The following SLC71A2 variants were observed in gnomAD, a reference collection of about 807,000 sequenced individuals.
The protein encoded by SLC71A2 is solute carrier family 71 member 2.
chr9:94,460,117 G>A, the SLC71A2 span: 2 of 152,202 alleles, frequency 1.3e-5, no homozygotes, highest in Non-Finnish European at 1.5e-5. Context: ...CAGATTCCTG[G>A]ACCTGGTGTC....
the SLC71A2 span, among the ~76,000 whole-genome samples, chr9:94,408,540 T>C: frequency 5.9e-5 from 9 of 152,166 alleles, no homozygotes; most frequent in Admixed American, 2.6e-4. Context: ...TTACTAGTTA[T>C]AGGTCTATTT....
chr9:94,429,538 T>C, the SLC71A2 span, among the ~76,000 whole-genome samples: 1 of 152,012 alleles, frequency 6.6e-6, no homozygotes, highest in South Asian at 2.1e-4. Context: ...TTTTAACTTC[T>C]CTGCCTATCA....
At chr9:94,384,705 T>C in the SLC71A2 span, among the ~76,000 whole-genome samples, 2 of 152,220 alleles carry the variant, frequency 1.3e-5, no homozygotes, top group African/African-American at 2.4e-5. Context: ...AAATTCTTTA[T>C]ACATATATTC....
At chr9:94,395,910 C>T in the SLC71A2 span, among the ~76,000 whole-genome samples, 1 of 151,944 alleles carries the variant, frequency 6.6e-6, no homozygotes, top group African/African-American at 2.4e-5. Flanking sequence ...CCTCAGCCTC[C>T]TGAGTAGCTG....
chr9:94,445,386 CGAAG>C, the SLC71A2 span, among the ~76,000 whole-genome samples: 7 of 151,896 alleles, frequency 4.6e-5, no homozygotes, highest in Admixed American at 3.9e-4. Context: ...ATGTCATAAA[CGAAG>C]AGAGAGAAAA....
the SLC71A2 span, among the ~76,000 whole-genome samples, chr9:94,404,636 G>A: frequency 0.012 from 1,755 of 152,196 alleles, 40 homozygotes; most frequent in African/African-American, 0.039. Context: ...GGCCATTTGT[G>A]TATCTCTTTT....
the SLC71A2 span, among the ~76,000 whole-genome samples, chr9:94,378,126 CAAAA>C: frequency 7.1e-6 from 1 of 141,450 alleles, no homozygotes; most frequent in Admixed American, 7.1e-5. Context: ...ACTCCATTTC[CAAAA>C]AAAAAAAAAG....
At chr9:94,397,524 A>G in the SLC71A2 span, among the ~76,000 whole-genome samples, 7 of 152,182 alleles carry the variant, frequency 4.6e-5, no homozygotes, top group African/African-American at 1.4e-4. Context: ...ACTGCCAAAG[A>G]AAAAACCCCT....
At chr9:94,450,528 C>T in the SLC71A2 span, among the ~76,000 whole-genome samples, 15 of 85,872 alleles carry the variant, frequency 1.7e-4, no homozygotes, top group South Asian at 1.1e-3. Flanking sequence ...CTCACTTTGT[C>T]GCCCAGGCTG....
the SLC71A2 span, chr9:94,460,429 C>CTGTT: frequency 1.3e-5 from 2 of 152,578 alleles, no homozygotes; most frequent in African/African-American, 2.4e-5. Context: ...TTATTTCAAT[C>CTGTT]TGTTTAACTT....
chr9:94,379,089 C>CTTTTTTTTTTTTTTTTTTTT, the SLC71A2 span, among the ~76,000 whole-genome samples: 5 of 84,110 alleles, frequency 5.9e-5, no homozygotes, highest in African/African-American at 1.8e-4. Flanking sequence ...TGTGCATTTC[C>CTTTTTTTTTTTTTTTTTTTT]TTTTTTTTTT....
chr9:94,454,225 G>A, the SLC71A2 span, among the ~76,000 whole-genome samples: 1 of 152,208 alleles, frequency 6.6e-6, no homozygotes, highest in Admixed American at 6.5e-5. Flanking sequence ...TTGGGGAAAT[G>A]TGGAGCTAGA....
At chr9:94,425,816 A>G in the SLC71A2 span, among the ~76,000 whole-genome samples, 3 of 152,104 alleles carry the variant, frequency 2.0e-5, no homozygotes, top group Non-Finnish European at 2.9e-5. Flanking sequence ...AAAAAACTAT[A>G]AACTAAGTTT....
the SLC71A2 span, among the ~76,000 whole-genome samples, chr9:94,429,036 C>T: frequency 4.6e-5 from 7 of 152,082 alleles, no homozygotes; most frequent in African/African-American, 1.4e-4. Flanking sequence ...TCTGGATGTA[C>T]CACAGTTTGT....
chr9:94,403,199 C>T, the SLC71A2 span, among the ~76,000 whole-genome samples: 12 of 152,184 alleles, frequency 7.9e-5, no homozygotes, highest in African/African-American at 2.2e-4. Flanking sequence ...TGCAATGGCG[C>T]GATCTCGGCT....
chr9:94,400,509 G>GAAAA, the SLC71A2 span, among the ~76,000 whole-genome samples: 1 of 130,120 alleles, frequency 7.7e-6, no homozygotes, highest in Non-Finnish European at 1.6e-5. Flanking sequence ...AGTCTTAAAG[G>GAAAA]AAAAAAAAAA....
At chr9:94,428,281 A>C in the SLC71A2 span, among the ~76,000 whole-genome samples, 4 of 150,760 alleles carry the variant, frequency 2.7e-5, no homozygotes, top group Admixed American at 2.7e-4. Flanking sequence ...TCTGTGACTT[A>C]CATTTATTAT....
the SLC71A2 span, among the ~76,000 whole-genome samples, chr9:94,439,283 A>G: frequency 6.7e-6 from 1 of 150,128 alleles, no homozygotes; most frequent in African/African-American, 2.5e-5. Flanking sequence ...CTGGGATTAC[A>G]GGCGTGAGCC....
the SLC71A2 span, among the ~76,000 whole-genome samples, chr9:94,402,895 A>G: frequency 1.2e-4 from 18 of 152,284 alleles, no homozygotes; most frequent in African/African-American, 4.1e-4. Context: ...GTGTATATGC[A>G]TAACATAGTT....
Sources: allele counts gnomAD v4.1 joint callset (sites outside exome capture counted in the v4.1 genomes callset), GRCh38; gene constraint gnomAD v4.1.1; transcripts MANE v1.5; gene names NCBI Gene and HGNC (gene_info 2026-07-23, HGNC 2026-07-21).